CDH12: variants seen among roughly 807,000 people sequenced by gnomAD.
CDH12 encodes cadherin-12.
A neutral mutation model predicts 74.1 loss-of-function variants in CDH12; 41 were observed. That is an observed-to-expected ratio of 0.55 (90% CI 0.43 to 0.72). CDH12 has a LOEUF of 0.72. Ranked by LOEUF, CDH12 falls within the 30% of genes least tolerant of loss-of-function variation. The pLI, the probability that CDH12 is intolerant of heterozygous loss-of-function variation, is 0.00. For synonymous variants in CDH12, 399 were observed against 355.0 expected (o/e 1.12, Z -1.39); for missense variants, 945 against 977.2 (o/e 0.97, Z 0.44).
chr5:22,490,824 C>A (rs1164877114), intron 2 of CDH12, among the ~76,000 whole-genome samples: 1 of 152,138 alleles, frequency 6.6e-6, no homozygotes, highest in African/African-American at 2.4e-5. Flanking sequence ...ATTGCACAGC[C>A]TTACAGGTTT....
intron 1 of CDH12, among the ~76,000 whole-genome samples, chr5:22,785,613 G>T (rs1456593348): frequency 2.0e-5 from 3 of 152,046 alleles, no homozygotes; most frequent in Non-Finnish European, 2.9e-5. Context: ...TTGCCTCCCA[G>T]GTTCAATTGA....
At chr5:22,484,478 G>C (rs1746507293) in intron 2 of CDH12, among the ~76,000 whole-genome samples, 1 of 152,162 alleles carries the variant, frequency 6.6e-6, no homozygotes, top group Non-Finnish European at 1.5e-5. Flanking sequence ...GACATGAAAA[G>C]TATATTGAAA....
At chr5:22,440,101 C>T (rs1278867330) in intron 2 of CDH12, among the ~76,000 whole-genome samples, 1 of 152,002 alleles carries the variant, frequency 6.6e-6, no homozygotes, top group Non-Finnish European at 1.5e-5. Context: ...CCCTTAAGAA[C>T]ATAAGATGTG....
intron 1 of CDH12, among the ~76,000 whole-genome samples, chr5:22,581,734 G>A (rs995576320): frequency 2.0e-5 from 3 of 152,286 alleles, no homozygotes; most frequent in Middle Eastern, 3.4e-3. Flanking sequence ...ATGACAGCCC[G>A]TGAAGGCAGC....
intron 1 of CDH12, chr5:22,580,157 G>C: frequency 3.6e-6 from 1 of 277,122 alleles, no homozygotes; most frequent in Non-Finnish European, 7.2e-6. Context: ...TACTGACAAG[G>C]AAGAGGATCC....
intron 2 of CDH12, among the ~76,000 whole-genome samples, chr5:22,497,570 G>A (rs1262571254): frequency 3.3e-5 from 5 of 150,032 alleles, no homozygotes; most frequent in African/African-American, 1.2e-4. Flanking sequence ...AGCCAGAGAA[G>A]TCCTCTGAAA....
At position 22,417,207 on chromosome 5, in the gene CDH12, C is replaced by A. The variant is rs575242097; in HGVS notation, c.-427-11856G>T. ...ATAATAATTTGAGTAGAGAAAGTAGCATTGTTTTACATTTTCAGGTGCTAT... is the reference window on the plus strand; with the variant it reads ...ATAATAATTTGAGTAGAGAAAGTAGAATTGTTTTACATTTTCAGGTGCTAT... On this transcript the variant is annotated intron_variant, in intron 2 of 14. Coordinates refer to ENST00000382254, the MANE Select transcript of CDH12 (RefSeq NM_004061.5). Among the ~76,000 whole-genome samples, 11 of 152,230 alleles carry A rather than the reference C, an allele frequency of 7.2e-5. No homozygotes were observed. In the South Asian group the frequency reaches 1.7e-3, roughly 23 times the overall value.
Position 21,751,791 on chromosome 5 carries a change from G to A in CDH12, c.2331C>T (p.Val777=), listed in dbSNP as rs758512808. 2 of 1,614,036 alleles carry A rather than the reference G, an allele frequency of 1.2e-6. No individual in the cohort carries two copies. The highest frequency in any genetic ancestry group is 1.7e-6 in the Non-Finnish European group (2 of 1,179,986). ...YLTDWGPRFK[V]LADMFGEEES... is the part of the protein sequence containing the mutation. ...CTTCTTCGCCAAACATGTCTGCCAA[G>A]ACTTTAAAGCGGGGTCCCCAGTCTG... The change falls in exon 15 of 15, where the codon GTC becomes GTT. Residue 777 remains valine, a synonymous_variant. Transcript: ENST00000382254.
chr5:21,771,209 A>T (rs201108859), intron 11 of CDH12, among the ~76,000 whole-genome samples: 7 of 146,354 alleles, frequency 4.8e-5, no homozygotes, highest in African/African-American at 7.7e-5. Flanking sequence ...TTTTTTTTTT[A>T]AAGTTAAAAT....
chr5:22,015,708 A>C (rs1737561608), intron 5 of CDH12, among the ~76,000 whole-genome samples: 1 of 152,186 alleles, frequency 6.6e-6, no homozygotes, highest in Non-Finnish European at 1.5e-5. Flanking sequence ...GTAATTTTGC[A>C]TATATTCTTC....
intron 3 of CDH12, among the ~76,000 whole-genome samples, chr5:22,263,079 A>G (rs1418185179): frequency 5.9e-5 from 9 of 151,990 alleles, no homozygotes; most frequent in Admixed American, 6.6e-5. Flanking sequence ...CAAAAAATAC[A>G]TGAAAAAATG....
At chr5:22,140,300 G>A (rs138229594) in intron 4 of CDH12, among the ~76,000 whole-genome samples, 1 of 151,828 alleles carries the variant, frequency 6.6e-6, no homozygotes, top group East Asian at 1.9e-4. Context: ...TACTAGACAA[G>A]CTATTGGCTA....
intron 4 of CDH12, among the ~76,000 whole-genome samples, chr5:22,207,534 G>A (rs1336303832): frequency 6.6e-6 from 1 of 152,182 alleles, no homozygotes; most frequent in Non-Finnish European, 1.5e-5. Flanking sequence ...GTAATACCAA[G>A]TTAGATTGTT....
In CDH12 at chr5:22,117,651, C is replaced by T. The variant is rs550163561; in HGVS notation, c.-186-38789G>A. 1.2e-4 allele frequency among the ~76,000 whole-genome samples: 18 copies of T among 147,386 alleles called. 1 individual carries two copies. The South Asian group carries it at 3.2e-3, about 26-fold the overall frequency. On this transcript the variant is annotated intron_variant, in intron 4 of 14. Transcript: ENST00000382254. The stretch of plus-strand genomic sequence containing the variant: ...AAGTGATGAGCAGAAATGTTATTCG[C>T]TTTAAATCTATAAACGATAAAGAGT...
chr5:21,764,241 G>A (rs915556604), intron 12 of CDH12, among the ~76,000 whole-genome samples: 7 of 152,088 alleles, frequency 4.6e-5, no homozygotes, highest in Non-Finnish European at 1.0e-4. Flanking sequence ...GGGCGTGGTT[G>A]CGCGCGCCTA....
intron 1 of CDH12, among the ~76,000 whole-genome samples, chr5:22,669,705 T>G (rs564267947): frequency 4.0e-4 from 61 of 152,308 alleles, no homozygotes; most frequent in African/African-American, 1.1e-3. Context: ...AAGGAAAAAC[T>G]TTGCTGGTCC....
chr5:22,476,339 T>C (rs1057485811), intron 2 of CDH12, among the ~76,000 whole-genome samples: 12 of 152,154 alleles, frequency 7.9e-5, no homozygotes, highest in Admixed American at 6.6e-5. Context: ...TTATATGTTT[T>C]ATTGTTTATT....
In CDH12 at chr5:22,452,698, C is replaced by A. The variant is rs535440845; in HGVS notation, c.-427-47347G>T. Among the ~76,000 whole-genome samples, 6 of 151,372 alleles carry A rather than the reference C, an allele frequency of 4.0e-5. No homozygotes were observed. The South Asian group carries it at 6.3e-4, about 16-fold the overall frequency. On this transcript the variant is annotated intron_variant, in intron 2 of 14. Transcript: ENST00000382254. ...TTAGACAGGAACTCAAAAACACCAG[C>A]AACTGAAGCAAAAATAGGCAAATGG...
chr5:21,872,894 C>CATCTATCATCTATCTATCT (rs1554039685), intron 6 of CDH12, among the ~76,000 whole-genome samples: 8 of 146,750 alleles, frequency 5.5e-5, no homozygotes, highest in African/African-American at 2.0e-4. Context: ...ACCTATCATC[C>CATCTATCATCTATCTATCT]ATCTATCTAT....
Sources: allele counts gnomAD v4.1 joint callset (sites outside exome capture counted in the v4.1 genomes callset), GRCh38; gene constraint gnomAD v4.1.1; transcripts MANE v1.5; gene names NCBI Gene and HGNC (gene_info 2026-07-23, HGNC 2026-07-21).